TFR2: variants seen among roughly 807,000 people sequenced by gnomAD.
TFR2 encodes transferrin receptor protein 2.
Under a neutral mutation model 91.9 loss-of-function variants are expected in TFR2, and 64 were observed. The ratio of observed to expected loss-of-function variants is 0.70; its 90% confidence interval spans 0.57 to 0.86. TFR2 has a LOEUF of 0.86. Ranked by LOEUF, TFR2 falls within the 40% of genes least tolerant of loss-of-function variation. TFR2 has a pLI of 0.00. For missense variants in TFR2, 950 were observed against 1,080.5 expected (o/e 0.88, Z 1.69); for synonymous variants, 454 against 459.6 (o/e 0.99, Z 0.15).
At chr7:100,629,921 T>G (rs909454139) in intron 9 of TFR2, among the ~76,000 whole-genome samples, 24 of 152,188 alleles carry the variant, frequency 1.6e-4, no homozygotes, top group African/African-American at 5.8e-4. Flanking sequence ...AATTTTTTTG[T>G]ATTTTTAGTA....
At position 100,627,447 on chromosome 7, in the gene TFR2, A is replaced by C; in HGVS notation, c.1812T>G (p.Tyr604Ter). ...CTTGCAGCACCTTATGCAGGTTCTC[A>C]TAAGTGTCCTCCTTTGTGTGCAGGA... ...YPFLHTKEDT[Y>*]ENLHKVLQGR... Residue 604 changes from tyrosine (Y) to a stop codon, truncating the protein, a stop_gained, in exon 16 of 18, where the codon TAT (tyrosine) becomes TAG (stop). Transcript: ENST00000223051. LOFTEE classifies it high-confidence loss of function. 1.3e-6 allele frequency: 2 copies of C among 1,598,640 alleles called. No individual in the cohort carries two copies. The highest frequency in any genetic ancestry group is 1.7e-6 in the Non-Finnish European group (2 of 1,172,812).
At chr7:100,640,637 G>A (rs80338874) in intron 3 of TFR2, 49 bp downstream of exon 3, 19 of 1,596,450 alleles carry the variant, frequency 1.2e-5, no homozygotes, top group Non-Finnish European at 1.6e-5. Context: ...AGTCTGAGCG[G>A]ATGAGGGGAG....
intron 17 of TFR2, 175 bp downstream of exon 17, chr7:100,626,588 C>T: frequency 1.4e-6 from 2 of 1,432,160 alleles, no homozygotes; most frequent in Non-Finnish European, 9.1e-7. Flanking sequence ...TCGGGTCCTC[C>T]AGCCTGACCG....
chr7:100,632,781 G>T (rs1469199063), intron 6 of TFR2: 3 of 522,244 alleles, frequency 5.7e-6, no homozygotes, highest in East Asian at 3.4e-5. Context: ...GGTTCTCACC[G>T]TGTTGCCTTG....
intron 3 of TFR2, chr7:100,640,215 G>C (rs1392009833): frequency 6.2e-6 from 1 of 162,300 alleles, no homozygotes; most frequent in African/African-American, 2.4e-5. Context: ...AAGTAACTGG[G>C]ACTACAGGCA....
intron 3 of TFR2, among the ~76,000 whole-genome samples, chr7:100,637,517 C>T (rs558507736): frequency 6.6e-6 from 1 of 152,256 alleles, no homozygotes; most frequent in Admixed American, 6.5e-5. Context: ...TCACCTGAAG[C>T]CGGGAGGCGG....
chr7:100,637,324 G>A (rs1029699842), intron 3 of TFR2, among the ~76,000 whole-genome samples: 2 of 152,166 alleles, frequency 1.3e-5, no homozygotes, highest in East Asian at 1.9e-4. Flanking sequence ...GCTTGAACCC[G>A]GGAGGCGGAG....
At position 100,628,131 on chromosome 7, in the gene TFR2, G is replaced by T; in HGVS notation, c.1479C>A (p.Tyr493Ter). Reference sequence around the variant, plus strand: ...CGGCTTTGAGGTGCAGCACGCTGAGGTAGCCCTGTGGGTGGGTGACCAGTG... The same window carrying T: ...CGGCTTTGAGGTGCAGCACGCTGAGTTAGCCCTGTGGGTGGGTGACCAGTG... ...SVGSTEWLEG[Y>*]LSVLHLKAVV... is the part of the protein sequence containing the mutation. The change falls in exon 12 of 18, where the codon TAC becomes TAA. Residue 493 changes from tyrosine to a stop codon, truncating the protein, a stop_gained. Transcript: ENST00000223051. LOFTEE classifies it high-confidence loss of function. 6.2e-7 allele frequency: 1 copy of T among 1,614,000 alleles called. No homozygotes were observed. The highest frequency in any genetic ancestry group is 2.2e-5 in the East Asian group (1 of 44,892).
rs1276712395 is a variant in TFR2 at position 100,627,431 on chromosome 7, C to T, written c.1828G>A (p.Val610Met). The T allele has an allele frequency of 2.3e-5, 36 of 1,586,966 alleles. No individual in the cohort carries two copies. Among genetic ancestry groups the T allele is most frequent in the Non-Finnish European group, 3.1e-5 (36 of 1,166,908 alleles). ...ACGGCGGGCAGGCGGCCTTGCAGCA[C>T]CTTATGCAGGTTCTCATAAGTGTCC... Reference protein sequence around the residue: ...KEDTYENLHKVLQGRLPAVAQ... With the variant: ...KEDTYENLHKMLQGRLPAVAQ... Residue 610 changes from valine to methionine, a missense_variant, in exon 16 of 18, where the codon GTG (valine) becomes ATG (methionine). By Grantham distance (21) the Val-to-Met change is conservative. Coordinates refer to ENST00000223051, the MANE Select transcript of TFR2 (RefSeq NM_003227.4).
intron 3 of TFR2, 165 bp downstream of exon 3, chr7:100,640,521 G>A: frequency 1.3e-6 from 1 of 756,876 alleles, no homozygotes; most frequent in South Asian, 1.8e-5. Flanking sequence ...CCGAATGCCT[G>A]CCATCCTTCC....
intron 5 of TFR2, 30 bp downstream of exon 5, chr7:100,633,199 C>T (rs368282570): frequency 1.2e-6 from 2 of 1,613,390 alleles, no homozygotes; most frequent in African/African-American, 2.7e-5. Context: ...GTGCCGCGCC[C>T]CATCCTAGGA....
At chr7:100,625,434 G>GTT (rs74653173) in intron 17 of TFR2, among the ~76,000 whole-genome samples, 86 of 152,036 alleles carry the variant, frequency 5.7e-4, no homozygotes, top group Non-Finnish European at 1.0e-3. Flanking sequence ...AAAGGTGGGT[G>GTT]TTTTTGTCTT....
At chr7:100,621,565 C>T (rs1379244448) in intron 17 of TFR2, among the ~76,000 whole-genome samples, 1 of 152,056 alleles carries the variant, frequency 6.6e-6, no homozygotes, top group Non-Finnish European at 1.5e-5. Context: ...CCCCTTCTAT[C>T]TCTAGAACCC....
intron 3 of TFR2, among the ~76,000 whole-genome samples, chr7:100,634,764 G>A (rs4521695): frequency 0.019 from 2,874 of 152,206 alleles, 89 homozygotes; most frequent in African/African-American, 0.066. Flanking sequence ...CAGACCCTTC[G>A]CAAATGGTGA....
At position 100,633,055 on chromosome 7, in the gene TFR2, A is replaced by G. The variant is rs779026536; in HGVS notation, c.795T>C (p.Asp265=). 3.1e-6 allele frequency: 5 copies of G among 1,613,562 alleles called. No homozygotes were observed. Among genetic ancestry groups the G allele is most frequent in the East Asian group, 2.2e-5 (1 of 44,836 alleles). ...DLQDLRARGV[D]PVGRLLLVRV... ...GCACCAGCAGCAGGCGGCCCACTGG[A>G]TCCACGCCCCTGGCCCGCAGGTCCT... The change falls in exon 6 of 18, where the codon GAT becomes GAC. Residue 265 remains aspartate (D), a synonymous_variant. Coordinates refer to ENST00000223051, the MANE Select transcript of TFR2 (RefSeq NM_003227.4).
intron 17 of TFR2, among the ~76,000 whole-genome samples, chr7:100,623,000 C>A (rs1803148755): frequency 6.8e-6 from 1 of 146,842 alleles, no homozygotes; most frequent in African/African-American, 2.5e-5. Flanking sequence ...ACAGGCCGGG[C>A]ACAGTGGCTG....
intron 3 of TFR2, among the ~76,000 whole-genome samples, chr7:100,637,402 A>C (rs906876715): frequency 1.2e-3 from 5 of 4,008 alleles, no homozygotes; most frequent in African/African-American, 0.011. Context: ...TCTGTCTCAC[A>C]AAAAAAAAGA....
intron 3 of TFR2, among the ~76,000 whole-genome samples, chr7:100,636,528 T>C (rs1803574544): frequency 1.3e-5 from 2 of 150,628 alleles, no homozygotes; most frequent in Non-Finnish European, 3.0e-5. Context: ...TACTTATCCA[T>C]TGAGGATCTA....
Position 100,620,584 on chromosome 7 carries a change from C to G in TFR2, c.*273G>C, listed in dbSNP as rs942528868. 1 of 428,794 alleles carries G rather than the reference C, an allele frequency of 2.3e-6. No homozygotes were observed. The allele number at this position is 428,794 out of a possible 1,614,324, so 26.6% of individuals were successfully genotyped here. ...CAGAGTGGTCTCTAGGTATGGAGGA[C>G]CCCAGAAAGGGGAAGGGGCTGTGAT... On this transcript the variant is annotated 3_prime_UTR_variant, in exon 18 of 18. Coordinates refer to ENST00000223051, the MANE Select transcript of TFR2 (RefSeq NM_003227.4).
Sources: allele counts gnomAD v4.1 joint callset (sites outside exome capture counted in the v4.1 genomes callset), GRCh38; gene constraint gnomAD v4.1.1; transcripts MANE v1.5; gene names NCBI Gene and HGNC (gene_info 2026-07-23, HGNC 2026-07-21).